The following RBL1 variants were observed in gnomAD, a reference collection of about 807,000 sequenced individuals.
The protein encoded by RBL1 is retinoblastoma-like protein 1.
In RBL1, 82 loss-of-function variants were observed where a neutral mutation model predicts 123.0. That is an observed-to-expected ratio of 0.67 (90% CI 0.56 to 0.80). The LOEUF is 0.80. RBL1 is among the 30% of genes least tolerant of loss of function. The pLI, the probability that RBL1 is intolerant of heterozygous loss-of-function variation, is 0.00. For synonymous variants in RBL1, 405 were observed against 441.3 expected (o/e 0.92, Z 1.03); for missense variants, 1,171 against 1,299.6 (o/e 0.90, Z 1.52).
intron 11 of RBL1, among the ~76,000 whole-genome samples, chr20:37,048,584 T>C (rs921032429): frequency 6.6e-6 from 1 of 152,130 alleles, no homozygotes; most frequent in Admixed American, 6.6e-5. Flanking sequence ...TCTAATACTA[T>C]GTGATCACCT....
intron 16 of RBL1, among the ~76,000 whole-genome samples, chr20:37,030,309 A>G (rs2064485520): frequency 6.6e-6 from 1 of 152,238 alleles, no homozygotes; most frequent in Non-Finnish European, 1.5e-5. Flanking sequence ...TGACTTTTCA[A>G]CAAGGATTCT....
At chr20:37,051,395 G>A (rs775705585) in intron 11 of RBL1, among the ~76,000 whole-genome samples, 2 of 152,110 alleles carry the variant, frequency 1.3e-5, no homozygotes, top group African/African-American at 2.4e-5. Context: ...TGGTCAGGCT[G>A]GTCTAGAACT....
At chr20:37,055,309 G>GAAAAAAAAAAA (rs59560599) in intron 11 of RBL1, among the ~76,000 whole-genome samples, 5 of 84,026 alleles carry the variant, frequency 6.0e-5, no homozygotes, top group African/African-American at 1.2e-4. Flanking sequence ...ATGAAGGACA[G>GAAAAAAAAAAA]AAAAAAAAAA....
rs376137860 is a variant in RBL1, at chr20:36,999,523, G to A, written c.3037-594C>T. On this transcript the variant is annotated intron_variant, in intron 21 of 21. Transcript: ENST00000373664. ...GGTCTCCCTCTCCCTCTCTTTCCAC[G>A]GTCTCCCCCTGATGCCGAGCCAAAG... is the stretch of plus-strand genomic sequence containing the variant. Among the ~76,000 whole-genome samples, 5 of 141,950 alleles carry A rather than the reference G, an allele frequency of 3.5e-5. No individual in the cohort carries two copies. The Admixed American group carries it at 3.6e-4, about 10-fold the overall frequency. The allele number at this position is 141,950 out of a possible 152,430, so 93.1% of individuals were successfully genotyped here.
intron 21 of RBL1, among the ~76,000 whole-genome samples, chr20:37,001,074 G>T (rs868829480): frequency 2.2e-5 from 3 of 138,676 alleles, no homozygotes; most frequent in Non-Finnish European, 4.7e-5. Context: ...GGAGGGAGGC[G>T]GGGAGGTCAG....
intron 16 of RBL1, among the ~76,000 whole-genome samples, chr20:37,028,098 C>T (rs6030856): frequency 0.011 from 1,604 of 152,192 alleles, 26 homozygotes; most frequent in African/African-American, 0.037. Context: ...GGCATGGTGG[C>T]GCATGCCTGT....
chr20:37,065,022 C>T (rs2065156996), intron 7 of RBL1, among the ~76,000 whole-genome samples: 1 of 151,648 alleles, frequency 6.6e-6, no homozygotes. Context: ...ACCACAACCT[C>T]CCAGATTCAA....
chr20:37,020,820 C>T (rs559518259), intron 17 of RBL1, 90 bp from the exon 18 acceptor site: 12 of 792,422 alleles, frequency 1.5e-5, no homozygotes, highest in Middle Eastern at 4.5e-4. Flanking sequence ...GCACTGAGAG[C>T]AACCTTGCAG....
Position 37,022,546 on chromosome 20 carries a change from C to T in RBL1, c.2559+104G>A, listed in dbSNP as rs1009830669. The stretch of plus-strand genomic sequence containing the variant: ...TTCACCATGTTGCCCAAGCTGGTCT[C>T]GAAATCCTGGGCTCAAGCTATCTGC... On this transcript the variant is annotated intron_variant, in intron 17 of 21. Coordinates refer to ENST00000373664, the MANE Select transcript of RBL1 (RefSeq NM_002895.5). The T allele has an allele frequency of 2.3e-5, 25 of 1,108,910 alleles. No individual in the cohort carries two copies. In the African/African-American group the frequency reaches 2.5e-4, roughly 11 times the overall value. The allele number at this position is 1,108,910 out of a possible 1,614,324, so 68.7% of individuals were successfully genotyped here. A position where few individuals can be genotyped will look rare whatever the true frequency, so the allele number is the denominator to read the frequency against.
chr20:37,011,576 A>G (rs2064148442), intron 19 of RBL1, among the ~76,000 whole-genome samples: 1 of 151,696 alleles, frequency 6.6e-6, no homozygotes, highest in African/African-American at 2.4e-5. Context: ...CAGGGATTAC[A>G]AGTGCTTACC....
intron 2 of RBL1, among the ~76,000 whole-genome samples, chr20:37,070,827 C>T (rs2065271544): frequency 6.6e-6 from 1 of 151,906 alleles, no homozygotes; most frequent in Admixed American, 6.6e-5. Context: ...TTAACGTGGT[C>T]TTAGATAGAA....
At chr20:37,050,061 T>C (rs577688981) in intron 11 of RBL1, among the ~76,000 whole-genome samples, 64 of 105,162 alleles carry the variant, frequency 6.1e-4, no homozygotes, top group African/African-American at 2.3e-3. Flanking sequence ...AAACTCCATC[T>C]CAAAAAAAAA....
chr20:37,049,604 C>G (rs1428270631), intron 11 of RBL1: 2 of 757,046 alleles, frequency 2.6e-6, no homozygotes, highest in Non-Finnish European at 4.8e-6. Flanking sequence ...CGAGAGTGCC[C>G]TTCTGATGAA....
intron 2 of RBL1, among the ~76,000 whole-genome samples, chr20:37,069,730 C>A (rs940341203): frequency 6.6e-6 from 1 of 151,536 alleles, no homozygotes; most frequent in Non-Finnish European, 1.5e-5. Flanking sequence ...GGCAGCCACC[C>A]AGTCCGGGAG....
chr20:37,005,876 TCTTTTTTTTTTTTCTTTC>T (rs2064061603), intron 20 of RBL1, among the ~76,000 whole-genome samples: 1 of 136,272 alleles, frequency 7.3e-6, no homozygotes, highest in African/African-American at 3.4e-5. Context: ...GGCCTTCTTT[TCTTTTTTTTTTTTCTTTC>T]TTTTTTTTTT....
chr20:37,095,955 CA>C lies in RBL1; in HGVS notation c.-28del. 6.7e-7 allele frequency: 1 copy of C among 1,485,354 alleles called. No individual in the cohort carries two copies. Among genetic ancestry groups the C allele is most frequent in the South Asian group, 1.3e-5 (1 of 76,958 alleles). The allele number at this position is 1,485,354 out of a possible 1,614,324, so 92.0% of individuals were successfully genotyped here. A position where few individuals can be genotyped will look rare whatever the true frequency, so the allele number is the denominator to read the frequency against. Reference sequence around the variant, plus strand: ...CCTTCAGGCCCCGCGGGCTGCGCGCCACGGCCCCCGACTTCTTTCTCCCTCC... The same window carrying C: ...CCTTCAGGCCCCGCGGGCTGCGCGCCCGGCCCCCGACTTCTTTCTCCCTCC... On this transcript the variant is annotated 5_prime_UTR_variant, in exon 1 of 22. Transcript: ENST00000373664.
intron 15 of RBL1, among the ~76,000 whole-genome samples, chr20:37,033,939 T>C (rs1465965639): frequency 2.1e-5 from 3 of 145,454 alleles, no homozygotes; most frequent in East Asian, 2.6e-4. Context: ...CCTTTTTTTT[T>C]TCTTTTTCTT....
chr20:37,079,866 G>C (rs976424862), intron 2 of RBL1, among the ~76,000 whole-genome samples: 4 of 152,190 alleles, frequency 2.6e-5, no homozygotes, highest in African/African-American at 9.6e-5. Context: ...AGTTTGCCAG[G>C]CTTCAGGAAA....
chr20:37,076,198 T>C (rs754228851), intron 2 of RBL1, among the ~76,000 whole-genome samples: 5 of 152,214 alleles, frequency 3.3e-5, no homozygotes, highest in South Asian at 2.1e-4. Context: ...AGGGAATATA[T>C]TGCAAGACTC....
Sources: allele counts gnomAD v4.1 joint callset (sites outside exome capture counted in the v4.1 genomes callset), GRCh38; gene constraint gnomAD v4.1.1; transcripts MANE v1.5; gene names NCBI Gene and HGNC (gene_info 2026-07-23, HGNC 2026-07-21).